The following TRRAP variants were observed in gnomAD, a reference collection of about 807,000 sequenced individuals.
The protein encoded by TRRAP is transformation/transcription domain associated protein.
In TRRAP, 41 loss-of-function variants were observed where a neutral mutation model predicts 438.8. That is an observed-to-expected ratio of 0.09 (90% confidence interval 0.07 to 0.12). The LOEUF (loss-of-function observed/expected upper bound fraction) is 0.12, where lower values mean the gene tolerates loss of function less well. TRRAP is among the 10% of genes least tolerant of loss of function. The pLI is 1.00. For missense variants in TRRAP, 3,122 were observed against 5,055.1 expected (o/e 0.62, Z 11.60); for synonymous variants, 1,994 against 1,962.9 (o/e 1.02, Z -0.42).
chr7:98,882,121 AT>A, intron 3 of TRRAP, 97 bp downstream of exon 3: 5 of 1,033,688 alleles, frequency 4.8e-6, no homozygotes, highest in African/African-American at 1.6e-5. Context: ...CAACTCAAAG[AT>A]CATTGTCTTT....
Position 98,916,907 on chromosome 7 carries a change from G to A in TRRAP, c.2366-516G>A, listed in dbSNP as rs112434165. Among the ~76,000 whole-genome samples, 245 of 152,146 alleles carry A rather than the reference G, an allele frequency of 1.6e-3. 1 individual carries two copies. Among genetic ancestry groups the A allele is most frequent in the African/African-American group, 5.7e-3 (236 of 41,496 alleles). ...CCTGCCTTCCTGTGCCGTGCAGGAC[G>A]TGCCTTTTCTTGGGTCCACTGCCAC... On this transcript the variant is annotated intron_variant, in intron 19 of 72. Transcript: ENST00000456197.
chr7:98,896,110 A>G (rs1554405682), intron 7 of TRRAP, among the ~76,000 whole-genome samples: 1 of 152,200 alleles, frequency 6.6e-6, no homozygotes, highest in East Asian at 1.9e-4. Flanking sequence ...CTGGTAAGCA[A>G]CCATTGACAT....
At chr7:98,967,410 G>A (rs1386501395) in intron 50 of TRRAP, 75 bp from the exon 51 acceptor site, 17 of 1,518,670 alleles carry the variant, frequency 1.1e-5, no homozygotes, top group African/African-American at 1.4e-5. Flanking sequence ...TCACATCCAC[G>A]TTCACCTGTT....
At chr7:98,980,555 C>T (rs902163614) in intron 58 of TRRAP, among the ~76,000 whole-genome samples, 1 of 151,894 alleles carries the variant, frequency 6.6e-6, no homozygotes, top group Non-Finnish European at 1.5e-5. Flanking sequence ...GGCTGAGGAG[C>T]GGTTGGCCCA....
At position 98,973,797 on chromosome 7, in the gene TRRAP, G is replaced by C. The variant is rs530830964; in HGVS notation, c.7839+1852G>C. Reference sequence around the variant, plus strand: ...CCCTCGAACTCAGTGCCCAGCACAGGTGGGCACACCATCACCCCTGAGCCT... The same window carrying C: ...CCCTCGAACTCAGTGCCCAGCACAGCTGGGCACACCATCACCCCTGAGCCT... On this transcript the variant is annotated intron_variant, in intron 53 of 72. Coordinates refer to ENST00000456197, the MANE Select transcript of TRRAP (RefSeq NM_001375524.1). Among the ~76,000 whole-genome samples the C allele has an allele frequency of 1.9e-4, 29 of 152,318 alleles. 1 individual carries two copies. The highest frequency in any genetic ancestry group is 6.7e-4 in the African/African-American group (28 of 41,574).
At chr7:98,941,810 G>C (rs1462966712) in intron 30 of TRRAP, among the ~76,000 whole-genome samples, 3 of 152,156 alleles carry the variant, frequency 2.0e-5, no homozygotes, top group African/African-American at 7.2e-5. Flanking sequence ...ATGAAGACCA[G>C]TTCATTGGCC....
At position 98,951,020 on chromosome 7, in the gene TRRAP, G is replaced by A. The variant is rs782819822; in HGVS notation, c.5463+16G>A. 1 of 1,575,588 alleles carries A rather than the reference G, an allele frequency of 6.3e-7. No homozygotes were observed. Among genetic ancestry groups the A allele is most frequent in the South Asian group, 1.2e-5 (1 of 82,918 alleles). On this transcript the variant is annotated intron_variant, in intron 39 of 72. Coordinates refer to ENST00000456197, the MANE Select transcript of TRRAP (RefSeq NM_001375524.1). ...TATTACCAAGGTGGTATCACTATGT[G>A]TGTGGGTGTGAGAAGTAGCCTGGCA...
Position 98,983,960 on chromosome 7 carries a change from C to T in TRRAP, c.9023-133C>T, listed in dbSNP as rs116609489. 1.5e-3 allele frequency: 1,698 copies of T among 1,162,344 alleles called. 19 individuals are homozygous for T. The African/African-American group carries it at 0.021, about 14-fold the overall frequency. The allele number at this position is 1,162,344 out of a possible 1,614,324, so 72.0% of individuals were successfully genotyped here. ...GCTTATGGCATAAAATACAAAGTAA[C>T]GAGGGTTTATCACAGAGCTGCCCAT... On this transcript the variant is annotated intron_variant, in intron 60 of 72. Transcript: ENST00000456197.
intron 20 of TRRAP, among the ~76,000 whole-genome samples, chr7:98,920,048 G>A (rs1789710747): frequency 6.6e-6 from 1 of 152,236 alleles, no homozygotes; most frequent in African/African-American, 2.4e-5. Context: ...TAAGAAGCCT[G>A]TTTGAATCTA....
Position 99,005,498 on chromosome 7 carries a change from G to A in TRRAP, c.10753+150G>A. On this transcript the variant is annotated intron_variant, in intron 69 of 72. Transcript: ENST00000456197. This position sits in a 1 kb window ranked among gnomAD's most constrained non-coding sequence, Gnocchi z 5.1. Reference sequence around the variant, plus strand: ...GAATGTTGTAGTCTGTGCTGACCAGGGAAGGCCTCAGGAAGAGGAGCAGCT... The same window carrying A: ...GAATGTTGTAGTCTGTGCTGACCAGAGAAGGCCTCAGGAAGAGGAGCAGCT... The A allele has an allele frequency of 1.4e-6, 1 of 734,334 alleles. No individual in the cohort carries two copies. The highest frequency in any genetic ancestry group is 2.2e-6 in the Non-Finnish European group (1 of 447,082). 45.5% of individuals were successfully genotyped at this position (734,334 alleles called of 1,614,324 possible).
intron 31 of TRRAP, among the ~76,000 whole-genome samples, chr7:98,943,798 A>G (rs958785011): frequency 2.6e-5 from 4 of 152,240 alleles, no homozygotes; most frequent in African/African-American, 9.6e-5. Context: ...CCAGTGAAAC[A>G]TGACAGCAGT....
In TRRAP at chr7:98,988,916, C is replaced by T; in HGVS notation, c.9541C>T (p.His3181Tyr). The T allele has an allele frequency of 6.2e-7, 1 of 1,614,132 alleles. No individual in the cohort carries two copies. Among genetic ancestry groups the T allele is most frequent in the Non-Finnish European group, 8.5e-7 (1 of 1,180,020 alleles). ...LGVSAITCYLHACRHQNESKS... is the reference protein window; with the variant it reads ...LGVSAITCYLYACRHQNESKS... ...CGTGTCTGCCATCACCTGCTACCTG[C>T]ACGCCTGCCGGCATCAGAACGAGAG... The change falls in exon 63 of 73, where the codon CAC (histidine) becomes TAC (tyrosine). Residue 3181 changes from histidine (H) to tyrosine (Y), a missense_variant. By Grantham distance (83) the His-to-Tyr change is moderately conservative. Around this residue, in one of 24 missense-constraint regions of TRRAP, gnomAD observed 52 missense variants for 88.3 expected, o/e 0.59. Coordinates refer to ENST00000456197, the MANE Select transcript of TRRAP (RefSeq NM_001375524.1).
chr7:98,899,032 C>CA (rs1796353988), intron 8 of TRRAP, among the ~76,000 whole-genome samples: 1 of 152,068 alleles, frequency 6.6e-6, no homozygotes, highest in South Asian at 2.1e-4. Flanking sequence ...TACTAAAAAA[C>CA]ACAAAAATTA....
At chr7:98,987,149 C>A (rs747559849) in intron 62 of TRRAP, among the ~76,000 whole-genome samples, 13 of 152,282 alleles carry the variant, frequency 8.5e-5, no homozygotes, top group Middle Eastern at 3.4e-3. Flanking sequence ...AATCCGTTGA[C>A]CATTTTTTGT....
At position 99,011,201 on chromosome 7, in the gene TRRAP, G is replaced by A. The variant is rs200919131; in HGVS notation, c.11088G>A (p.Ala3696=). Residue 3696 remains alanine (A), a synonymous_variant, in exon 71 of 73, where the codon GCG becomes GCA. Transcript: ENST00000456197. This position sits in a 1 kb window ranked among gnomAD's most constrained non-coding sequence, Gnocchi z 7.1. ...TCCAGCTGGCTCTGATAGGCTTCGCGGAATTCGTCCTGCATTTAAATAGAC... is the reference window on the plus strand; with the variant it reads ...TCCAGCTGGCTCTGATAGGCTTCGCAGAATTCGTCCTGCATTTAAATAGAC... ...FTIQLALIGF[A]EFVLHLNRLN... is the part of the protein sequence containing the mutation. 8.3e-5 allele frequency: 134 copies of A among 1,614,086 alleles called. 1 individual carries two copies. The East Asian group carries it at 1.3e-3, about 15-fold the overall frequency.
At chr7:98,915,947 G>C in intron 19 of TRRAP, 59 bp downstream of exon 19, 2 of 1,596,160 alleles carry the variant, frequency 1.3e-6, no homozygotes, top group East Asian at 2.2e-5. Flanking sequence ...CATGTGTCTA[G>C]CCATCCTGAT....
intron 48 of TRRAP, among the ~76,000 whole-genome samples, chr7:98,965,274 T>C (rs1792101762): frequency 6.6e-6 from 1 of 152,252 alleles, no homozygotes; most frequent in Non-Finnish European, 1.5e-5. Flanking sequence ...CAGATACTGC[T>C]TAATCAGAGT....
chr7:98,976,895 A>C lies in TRRAP; in HGVS notation c.8248-44A>C, dbSNP rs754162816. 17 of 1,607,066 alleles carry C rather than the reference A, an allele frequency of 1.1e-5. No homozygotes were observed. Among genetic ancestry groups the C allele is most frequent in the Non-Finnish European group, 1.4e-5 (17 of 1,175,686 alleles). ...GAAACTATTTTTAGGGGGGAAAAAAAGTCTCTGTCTCAAGCACTCAGGAAC... is the reference window on the plus strand; with the variant it reads ...GAAACTATTTTTAGGGGGGAAAAAACGTCTCTGTCTCAAGCACTCAGGAAC... On this transcript the variant is annotated intron_variant, in intron 55 of 72. Transcript: ENST00000456197. The surrounding 1 kb of genome is among the most constrained non-coding windows in gnomAD (Gnocchi z 4.6).
Position 98,945,727 on chromosome 7 carries a change from A to G in TRRAP, c.4474-20A>G. The stretch of plus-strand genomic sequence containing the variant: ...AAATAACATAAATAGAAAAAAGATG[A>G]TTTTCCTCCCCATCCTCAGGAAAGC... On this transcript the variant is annotated intron_variant, in intron 31 of 72. Transcript: ENST00000456197. 6.3e-7 allele frequency: 1 copy of G among 1,596,716 alleles called. No homozygotes were observed. The highest frequency in any genetic ancestry group is 8.5e-7 in the Non-Finnish European group (1 of 1,179,284).
Sources: gnomAD v4.1 joint callset for allele counts (sites outside exome capture counted in the v4.1 genomes callset) on GRCh38, gnomAD v4.1.1 for gene constraint, gnomAD v4.1.1 regional missense constraint, Gnocchi (gnomAD v3.1) non-coding constraint, MANE v1.5 for transcripts, NCBI Gene and HGNC (gene_info 2026-07-23, HGNC 2026-07-21) for gene names.